The following NEDD9 variants were observed in gnomAD, a reference collection of about 807,000 sequenced individuals.
NEDD9 encodes neural precursor cell expressed, developmentally down-regulated 9, also known as enhancer of filamentation 1.
Under a neutral mutation model 76.6 loss-of-function variants are expected in NEDD9, and 26 were observed. The observed-to-expected ratio is 0.34, with a 90% CI of 0.25 to 0.47. The LOEUF (loss-of-function observed/expected upper bound fraction) is 0.47, where lower values mean the gene tolerates loss of function less well. Ranked by LOEUF, NEDD9 falls within the 20% of genes least tolerant of loss-of-function variation. NEDD9 has a pLI of 1.00. For missense variants in NEDD9, 937 were observed against 1,058.5 expected, an observed-to-expected ratio of 0.89 and a Z score of 1.59; for synonymous variants, 392 against 414.2, an observed-to-expected ratio of 0.95 and a Z score of 0.65.
At chr6:11,276,373 C>A (rs76348165) in intron 3 of NEDD9, among the ~76,000 whole-genome samples, 10,868 of 152,074 alleles carry the variant, frequency 0.071, 409 homozygotes, top group Middle Eastern at 0.14. Context: ...GTGTGTGCAC[C>A]TGTGCACGTG....
intron 2 of NEDD9, among the ~76,000 whole-genome samples, chr6:11,329,700 G>A (rs538381509): frequency 1.3e-5 from 2 of 152,168 alleles, no homozygotes; most frequent in East Asian, 3.9e-4. Context: ...CTTCAGTGTA[G>A]GGGTCCCCTA....
At chr6:11,295,568 G>A (rs1760871081) in intron 3 of NEDD9, among the ~76,000 whole-genome samples, 1 of 152,122 alleles carries the variant, frequency 6.6e-6, no homozygotes, top group South Asian at 2.1e-4. Context: ...CCCCAGCTGA[G>A]GCACAGCACA....
At chr6:11,202,691 A>C (rs184767864) in intron 2 of NEDD9, among the ~76,000 whole-genome samples, 2 of 152,322 alleles carry the variant, frequency 1.3e-5, no homozygotes. Context: ...ATATAATGAA[A>C]ACTGAGTCTG....
At chr6:11,365,343 G>A (rs1389949449) in intron 1 of NEDD9, among the ~76,000 whole-genome samples, 2 of 152,188 alleles carry the variant, frequency 1.3e-5, no homozygotes, top group Non-Finnish European at 2.9e-5. Flanking sequence ...TCATAGCTTA[G>A]TTAGTAGATC....
Position 11,190,297 on chromosome 6 carries a change from C to T in NEDD9, c.1572G>A (p.Lys524=), listed in dbSNP as rs771553425. 2 of 1,614,226 alleles carry T rather than the reference C, an allele frequency of 1.2e-6. No homozygotes were observed. The highest frequency in any genetic ancestry group is 1.7e-6 in the Non-Finnish European group (2 of 1,180,036). ...NILAINKPQN[K]CDDLDRFVMV... is the part of the protein sequence containing the mutation. ...TCACAAACCGGTCCAGATCGTCACA[C>T]TTGTTCTGGGGCTTGTTGATGGCCA... Residue 524 remains lysine (K), a synonymous_variant, in exon 5 of 7, where the codon AAG becomes AAA. Coordinates refer to ENST00000379446, the MANE Select transcript of NEDD9 (RefSeq NM_006403.4). This position sits in a 1 kb window ranked among gnomAD's most constrained non-coding sequence, Gnocchi z 5.8.
chr6:11,202,467 T>C (rs1447245519), intron 2 of NEDD9, among the ~76,000 whole-genome samples: 1 of 152,200 alleles, frequency 6.6e-6, no homozygotes, highest in Non-Finnish European at 1.5e-5. Context: ...AACATTACCA[T>C]TATCACTGCC....
intron 3 of NEDD9, among the ~76,000 whole-genome samples, chr6:11,285,157 T>C (rs1336773801): frequency 1.3e-5 from 2 of 152,214 alleles, no homozygotes; most frequent in East Asian, 3.8e-4. Context: ...ATTGTGTTGC[T>C]GTAAGAAGCC....
chr6:11,189,694 T>C (rs925998612), intron 5 of NEDD9, among the ~76,000 whole-genome samples: 1 of 152,142 alleles, frequency 6.6e-6, no homozygotes, highest in African/African-American at 2.4e-5. Flanking sequence ...CCCATTCATT[T>C]TGCAAATGAG....
intron 3 of NEDD9, among the ~76,000 whole-genome samples, chr6:11,278,824 C>A (rs912126928): frequency 3.3e-5 from 5 of 152,036 alleles, no homozygotes; most frequent in African/African-American, 9.6e-5. Context: ...TCCTAGCCCA[C>A]AGCGGCAATT....
intron 2 of NEDD9, among the ~76,000 whole-genome samples, chr6:11,334,194 AT>A (rs1240082020): frequency 6.6e-6 from 1 of 152,250 alleles, no homozygotes; most frequent in East Asian, 1.9e-4. Context: ...GTAAATGACT[AT>A]ATATGTACAT....
chr6:11,199,666 T>C (rs1758383967), intron 2 of NEDD9: 1 of 95,804 alleles, frequency 1.0e-5, no homozygotes, highest in Admixed American at 1.0e-4. Context: ...TTTTTTTTTT[T>C]TTTTTTTTTT....
chr6:11,196,124 GA>G (rs1758286252), intron 2 of NEDD9, among the ~76,000 whole-genome samples: 1 of 152,104 alleles, frequency 6.6e-6, no homozygotes, highest in African/African-American at 2.4e-5. Context: ...CTAACACAGT[GA>G]AACCCCATCT....
chr6:11,261,940 C>T (rs777157108), intron 3 of NEDD9, among the ~76,000 whole-genome samples: 1 of 152,232 alleles, frequency 6.6e-6, no homozygotes, highest in African/African-American at 2.4e-5. Context: ...TGGAACTCAG[C>T]TCCTTGGAAT....
intron 1 of NEDD9, among the ~76,000 whole-genome samples, chr6:11,336,949 G>C (rs751465396): frequency 6.6e-6 from 1 of 152,080 alleles, no homozygotes; most frequent in South Asian, 2.1e-4. Flanking sequence ...GGCTGGGCGC[G>C]GTGGCTCACA....
rs182166379 is a variant in NEDD9 at position 11,350,368 on chromosome 6, G to T, written c.-213-15807C>A. On this transcript the variant is annotated intron_variant, in intron 1 of 3. Coordinates refer to the NEDD9 transcript ENST00000397378. ...CAAAGTCTTGTATCATCTGGGCAGG[G>T]CCAAAGATGCTACCACAGGCCACCA... Among the ~76,000 whole-genome samples the T allele has an allele frequency of 1.7e-3, 259 of 152,322 alleles. 2 individuals carry two copies. The highest frequency in any genetic ancestry group is 5.7e-3 in the African/African-American group (238 of 41,558).
chr6:11,276,833 G>A (rs1435383549), intron 3 of NEDD9, among the ~76,000 whole-genome samples: 1 of 152,180 alleles, frequency 6.6e-6, no homozygotes, highest in Non-Finnish European at 1.5e-5. Flanking sequence ...ATGCATATGT[G>A]ATGGGAAAGA....
chr6:11,273,361 C>G (rs573828499), intron 3 of NEDD9, among the ~76,000 whole-genome samples: 1 of 152,324 alleles, frequency 6.6e-6, no homozygotes, highest in African/African-American at 2.4e-5. Flanking sequence ...ACTTAAGACT[C>G]TGGTTAAAAT....
chr6:11,292,792 G>A (rs746569745), intron 3 of NEDD9, among the ~76,000 whole-genome samples: 1 of 152,176 alleles, frequency 6.6e-6, no homozygotes, highest in African/African-American at 2.4e-5. Context: ...TCATGACAAG[G>A]AGGGAGGTGC....
chr6:11,278,883 G>A (rs1384441763), intron 3 of NEDD9, among the ~76,000 whole-genome samples: 2 of 151,798 alleles, frequency 1.3e-5, no homozygotes, highest in African/African-American at 4.8e-5. Flanking sequence ...TGTAAGTAAA[G>A]AGTAGCAGCT....
Sources: gnomAD v4.1 joint callset for allele counts (sites outside exome capture counted in the v4.1 genomes callset) on GRCh38, gnomAD v4.1.1 for gene constraint, Gnocchi (gnomAD v3.1) non-coding constraint, MANE v1.5 for transcripts, NCBI Gene and HGNC (gene_info 2026-07-23, HGNC 2026-07-21) for gene names.